Variants in EPHA5 observed in about 807,000 individuals in gnomAD.
EPHA5 encodes the protein ephrin type-A receptor 5.
Under a neutral mutation model 105.0 loss-of-function variants are expected in EPHA5, and 60 were observed. The ratio of observed to expected loss-of-function variants is 0.57; its 90% CI spans 0.46 to 0.71. The LOEUF (loss-of-function observed/expected upper bound fraction) is 0.71, where lower values mean the gene tolerates loss of function less well. EPHA5 is among the 30% of genes least tolerant of loss of function. The pLI is 0.00. For missense variants in EPHA5, 1,218 were observed against 1,274.7 expected, an observed-to-expected ratio of 0.96 and a Z score of 0.68; for synonymous variants, 513 against 449.1, an observed-to-expected ratio of 1.14 and a Z score of -1.80.
chr4:65,409,952 T>A (rs1463258029), intron 7 of EPHA5, among the ~76,000 whole-genome samples: 1 of 152,164 alleles, frequency 6.6e-6, no homozygotes, highest in Non-Finnish European at 1.5e-5. Context: ...CAATCATCCA[T>A]TGCTGGTGGA....
intron 3 of EPHA5, among the ~76,000 whole-genome samples, chr4:65,497,271 A>G (rs140732018): frequency 1.8e-4 from 28 of 152,270 alleles, no homozygotes; most frequent in Non-Finnish European, 3.2e-4. Context: ...AAATGATTTC[A>G]TGTTTTAGTA....
chr4:65,589,054 T>C (rs966352155), intron 3 of EPHA5, among the ~76,000 whole-genome samples: 10 of 152,174 alleles, frequency 6.6e-5, no homozygotes, highest in African/African-American at 2.4e-4. Context: ...ATATTTAAAA[T>C]CTAATCCAAG....
chr4:65,616,976 T>C (rs1259778960), intron 2 of EPHA5, among the ~76,000 whole-genome samples: 1 of 152,098 alleles, frequency 6.6e-6, no homozygotes, highest in Non-Finnish European at 1.5e-5. Context: ...TAGTATGCAA[T>C]ATGTATAGAA....
chr4:65,448,021 T>C (rs1726719783), intron 5 of EPHA5, among the ~76,000 whole-genome samples: 1 of 152,080 alleles, frequency 6.6e-6, no homozygotes, highest in South Asian at 2.1e-4. Context: ...TCAACAATCA[T>C]GATGATTTCC....
In EPHA5 at chr4:65,648,569, A is replaced by G. The variant is rs532029680; in HGVS notation, c.182-5142T>C. 4.6e-5 allele frequency among the ~76,000 whole-genome samples: 7 copies of G among 152,326 alleles called. No homozygotes were observed. The East Asian group carries it at 1.2e-3, about 25-fold the overall frequency. ...CCATTATCTTCACATTAACAAACAC[A>G]ATTATAATGTCAGTTAAACCTCCGC... On this transcript the variant is annotated intron_variant, in intron 1 of 16. Coordinates refer to ENST00000613740, the MANE Select transcript of EPHA5 (RefSeq NM_001281766.3).
At chr4:65,355,546 CT>C in intron 11 of EPHA5, among the ~76,000 whole-genome samples, 1 of 151,620 alleles carries the variant, frequency 6.6e-6, no homozygotes, top group South Asian at 2.1e-4. Flanking sequence ...CCATTTCAAC[CT>C]TTTATATTCA....
At chr4:65,527,345 A>G (rs565241342) in intron 3 of EPHA5, among the ~76,000 whole-genome samples, 1 of 152,112 alleles carries the variant, frequency 6.6e-6, no homozygotes, top group Non-Finnish European at 1.5e-5. Flanking sequence ...AAAGTTGTCA[A>G]GTTATACGTG....
Position 65,456,193 on chromosome 4 carries a change from C to A in EPHA5, c.1402+34184G>T, listed in dbSNP as rs570640250. ...GAATGCCCTAACAGTGCTCTGCTAG[C>A]CTGTCAGTGGAAGAAAAAGGAATTT... On this transcript the variant is annotated intron_variant, in intron 5 of 16. Transcript: ENST00000613740. Among the ~76,000 whole-genome samples the A allele has an allele frequency of 4.6e-5, 7 of 152,240 alleles. No homozygotes were observed. The South Asian group carries it at 1.5e-3, about 32-fold the overall frequency.
rs994198826 is a variant in EPHA5, at chr4:65,460,600, T to C, written c.1402+29777A>G. Among the ~76,000 whole-genome samples, 12 of 151,666 alleles carry C rather than the reference T, an allele frequency of 7.9e-5. 1 individual carries two copies. Among genetic ancestry groups the C allele is most frequent in the African/African-American group, 2.9e-4 (12 of 41,504 alleles). On this transcript the variant is annotated intron_variant, in intron 5 of 16. Coordinates refer to ENST00000613740, the MANE Select transcript of EPHA5 (RefSeq NM_001281766.3). ...GTATATTTAAATATTTTATATAATA[T>C]ATAGGCATTTAAAATATAGCAATAT... is the stretch of plus-strand genomic sequence containing the variant.
intron 3 of EPHA5, among the ~76,000 whole-genome samples, chr4:65,579,774 T>C (rs1741434696): frequency 6.6e-6 from 1 of 151,972 alleles, no homozygotes; most frequent in Non-Finnish European, 1.5e-5. Flanking sequence ...TCTGTTTTTT[T>C]CTGAGCATAG....
chr4:65,626,701 C>T (rs116624873), intron 2 of EPHA5, among the ~76,000 whole-genome samples: 12 of 152,160 alleles, frequency 7.9e-5, no homozygotes, highest in African/African-American at 2.4e-4. Context: ...TACATGCTCA[C>T]ATGTAATACA....
chr4:65,480,052 A>G (rs1730204816), intron 5 of EPHA5, among the ~76,000 whole-genome samples: 1 of 152,064 alleles, frequency 6.6e-6, no homozygotes, highest in Admixed American at 6.6e-5. Context: ...AGCCCTCAAC[A>G]CATGAGATAC....
At chr4:65,558,066 A>G (rs1183402569) in intron 3 of EPHA5, among the ~76,000 whole-genome samples, 3 of 151,862 alleles carry the variant, frequency 2.0e-5, no homozygotes, top group Admixed American at 1.3e-4. Context: ...TAGTAGAGAC[A>G]GGGATTCACC....
At chr4:65,327,142 T>C (rs1289789763) in intron 16 of EPHA5, among the ~76,000 whole-genome samples, 2 of 151,298 alleles carry the variant, frequency 1.3e-5, no homozygotes, top group Non-Finnish European at 3.0e-5. Context: ...TTTTTCATGA[T>C]AACTATATCA....
intron 5 of EPHA5, among the ~76,000 whole-genome samples, chr4:65,422,727 G>A (rs530797038): frequency 1.1e-3 from 171 of 152,082 alleles, no homozygotes; most frequent in African/African-American, 4.0e-3. Flanking sequence ...ATGCAAAATG[G>A]AGATCCTTTA....
intron 8 of EPHA5, among the ~76,000 whole-genome samples, chr4:65,369,192 G>A (rs1336434203): frequency 6.6e-6 from 1 of 152,166 alleles, no homozygotes; most frequent in African/African-American, 2.4e-5. Context: ...AAATGAATGA[G>A]AGAAAGATGT....
intron 5 of EPHA5, among the ~76,000 whole-genome samples, chr4:65,487,981 A>G (rs1303759557): frequency 1.3e-5 from 2 of 152,192 alleles, no homozygotes; most frequent in South Asian, 4.1e-4. Flanking sequence ...GATACTGAGA[A>G]GAATCTTATT....
intron 3 of EPHA5, among the ~76,000 whole-genome samples, chr4:65,586,296 C>G (rs539087508): frequency 2.5e-3 from 385 of 151,698 alleles, no homozygotes; most frequent in African/African-American, 8.9e-3. Context: ...ACTTTTCCCA[C>G]TAAAAGTAAC....
intron 5 of EPHA5, among the ~76,000 whole-genome samples, chr4:65,438,011 A>G (rs1725645885): frequency 1.3e-5 from 2 of 151,980 alleles, no homozygotes; most frequent in South Asian, 4.1e-4. Flanking sequence ...TGGATTCAGA[A>G]AACAGTATTT....
Sources: gnomAD v4.1 joint callset for allele counts (sites outside exome capture counted in the v4.1 genomes callset) on GRCh38, gnomAD v4.1.1 for gene constraint, MANE v1.5 for transcripts, NCBI Gene and HGNC (gene_info 2026-07-23, HGNC 2026-07-21) for gene names.